Variants in TRMT44 observed in about 807,000 individuals in gnomAD.
TRMT44 encodes probable tRNA (uracil-O(2)-)-methyltransferase.
A neutral mutation model predicts 77.3 loss-of-function variants in TRMT44; 78 were observed. The ratio of observed to expected loss-of-function variants is 1.01; its 90% CI spans 0.84 to 1.22. TRMT44 has a LOEUF of 1.22. Among genes scored for constraint, TRMT44 ranks in the 50% most tolerant of loss-of-function variants. The pLI is 0.00. For synonymous variants in TRMT44, 391 were observed against 383.3 expected, an observed-to-expected ratio of 1.02 and a Z score of -0.23; for missense variants, 1,090 against 964.4, an observed-to-expected ratio of 1.13 and a Z score of -1.73.
intron 10 of TRMT44, among the ~76,000 whole-genome samples, chr4:8,474,420 C>T (rs1373742973): frequency 2.6e-5 from 4 of 152,186 alleles, no homozygotes; most frequent in Non-Finnish European, 5.9e-5. Flanking sequence ...GAGAGGCAGC[C>T]GTGGGAGGGC....
At chr4:8,481,006 A>G (rs1361326126), downstream of TRMT44, among the ~76,000 whole-genome samples, 1 of 152,104 alleles carries the variant, frequency 6.6e-6, no homozygotes. Context: ...TTTCTTCCAG[A>G]CCCTCCCAAT....
At chr4:8,471,847 G>A (rs1727025650) in intron 10 of TRMT44, among the ~76,000 whole-genome samples, 1 of 152,192 alleles carries the variant, frequency 6.6e-6, no homozygotes, top group South Asian at 2.1e-4. Context: ...GGTGCAGTGA[G>A]GGAGGGGGGA....
downstream of TRMT44, among the ~76,000 whole-genome samples, chr4:8,497,763 A>G (rs1366665440): frequency 6.6e-6 from 1 of 152,202 alleles, no homozygotes; most frequent in Non-Finnish European, 1.5e-5. Context: ...TGTTCTCCAT[A>G]TCAGTCTCTT....
chr4:8,495,873 AC>A (rs1343060276), downstream of TRMT44, among the ~76,000 whole-genome samples: 6 of 152,120 alleles, frequency 3.9e-5, no homozygotes, highest in Non-Finnish European at 7.4e-5. Flanking sequence ...AAACAATCAG[AC>A]TGGTTGTGGG....
rs1163424388 is a variant in TRMT44 at position 8,451,698 on chromosome 4, C to G, written c.955-262C>G. On this transcript the variant is annotated intron_variant, in intron 3 of 10. Transcript: ENST00000389737. The surrounding 1 kb of genome is among the most constrained non-coding windows in gnomAD (Gnocchi z 4.1). ...TAGCTAAGTGTTTCCTCTGTGTCCA[C>G]TGCCTCAGCTAAATGCCTTAGGTAC... is the stretch of plus-strand genomic sequence containing the variant. Among the ~76,000 whole-genome samples the G allele has an allele frequency of 6.6e-6, 1 of 152,224 alleles. No homozygotes were observed. Among genetic ancestry groups the G allele is most frequent in the Non-Finnish European group, 1.5e-5 (1 of 68,048 alleles).
rs573416869 is a variant in TRMT44 at position 8,462,491 on chromosome 4, G to A, written c.1204-1494G>A. 5.9e-5 allele frequency among the ~76,000 whole-genome samples: 9 copies of A among 152,274 alleles called. 1 individual carries two copies. The South Asian group carries it at 1.5e-3, about 25-fold the overall frequency. ...GGAGGCCAAAGCAGGTAGATCACGAGGTCACGAGATCGAGACCAGCCTGAC... is the reference window on the plus strand; with the variant it reads ...GGAGGCCAAAGCAGGTAGATCACGAAGTCACGAGATCGAGACCAGCCTGAC... On this transcript the variant is annotated intron_variant, in intron 6 of 10. Transcript: ENST00000389737.
chr4:8,475,267 G>C (rs1579087760), intron 10 of TRMT44, among the ~76,000 whole-genome samples: 1 of 152,196 alleles, frequency 6.6e-6, no homozygotes, highest in Non-Finnish European at 1.5e-5. Context: ...CAGCACAGAT[G>C]TTTTCTCGTG....
chr4:8,504,509 C>G, the TRMT44 span, among the ~76,000 whole-genome samples: 12 of 152,092 alleles, frequency 7.9e-5, no homozygotes, highest in Admixed American at 7.2e-4. The surrounding 1 kb of genome is among the most constrained non-coding windows in gnomAD (Gnocchi z 5.3). Flanking sequence ...CCAGCGTGTA[C>G]GGAGCTCCTG....
rs1350770807 is a variant in TRMT44 at position 8,451,310 on chromosome 4, T to C, written c.955-650T>C. ...GCTTTTGAAATTGTTTCTAGTGGGATGGTTCATCTGTATTGTCTAAGGCGC... is the reference window on the plus strand; with the variant it reads ...GCTTTTGAAATTGTTTCTAGTGGGACGGTTCATCTGTATTGTCTAAGGCGC... On this transcript the variant is annotated intron_variant, in intron 3 of 10. Transcript: ENST00000389737. The surrounding 1 kb of genome is among the most constrained non-coding windows in gnomAD (Gnocchi z 4.1). 6.6e-6 allele frequency among the ~76,000 whole-genome samples: 1 copy of C among 152,202 alleles called. No individual in the cohort carries two copies. The highest frequency in any genetic ancestry group is 1.9e-4 in the East Asian group (1 of 5,204).
chr4:8,504,726 C>T, the TRMT44 span, among the ~76,000 whole-genome samples: 488 of 152,254 alleles, frequency 3.2e-3, 4 homozygotes, highest in Middle Eastern at 0.041. The surrounding 1 kb of genome is among the most constrained non-coding windows in gnomAD (Gnocchi z 5.3). Flanking sequence ...TGCTCCAAAC[C>T]CTTGCTCTTG....
At chr4:8,450,792 G>GTT (rs59875098) in intron 3 of TRMT44, among the ~76,000 whole-genome samples, 3,167 of 96,484 alleles carry the variant, frequency 0.033, 151 homozygotes, top group East Asian at 0.036. Flanking sequence ...TCATTTCCAT[G>GTT]TTTTTTTTTT....
downstream of TRMT44, chr4:8,476,911 CTT>C (rs1313876888): frequency 1.3e-5 from 2 of 152,154 alleles, no homozygotes; most frequent in Non-Finnish European, 2.9e-5. Flanking sequence ...GCCTGGCCAA[CTT>C]TTAAAATTTT....
chr4:8,465,865 C>A (rs1726510706), intron 8 of TRMT44, among the ~76,000 whole-genome samples: 1 of 152,210 alleles, frequency 6.6e-6, no homozygotes, highest in Non-Finnish European at 1.5e-5. Flanking sequence ...TCAGTGTGGC[C>A]TGTGGCTGAC....
At chr4:8,501,105 AGGT>A in the TRMT44 span, among the ~76,000 whole-genome samples, 2 of 152,222 alleles carry the variant, frequency 1.3e-5, no homozygotes, top group Non-Finnish European at 2.9e-5. This position sits in a 1 kb window ranked among gnomAD's most constrained non-coding sequence, Gnocchi z 4.4. Context: ...GCTGTGGGGC[AGGT>A]GGTCGTGCCA....
At chr4:8,480,489 G>C (rs1243713740), downstream of TRMT44, among the ~76,000 whole-genome samples, 1 of 152,214 alleles carries the variant, frequency 6.6e-6, no homozygotes, top group East Asian at 1.9e-4. Context: ...GCCTGAGGCT[G>C]CTTCCCTTTT....
chr4:8,460,332 CTT>C (rs2109133951), intron 6 of TRMT44, among the ~76,000 whole-genome samples: 1 of 152,206 alleles, frequency 6.6e-6, no homozygotes, highest in South Asian at 2.1e-4. Flanking sequence ...AAAATGTTGA[CTT>C]TTCATCATGG....
rs975687502 is a variant in TRMT44 at position 8,452,911 on chromosome 4, G to A, written c.1053G>A (p.Arg351=). ...LILWEEERAE[R]RLTARQSFVD... Reference sequence around the variant, plus strand: ...TATGGGAAGAAGAAAGGGCTGAGAGGAGACTAACTGCCAGGCAGTCCTTTG... The same window carrying A: ...TATGGGAAGAAGAAAGGGCTGAGAGAAGACTAACTGCCAGGCAGTCCTTTG... Residue 351 remains arginine, a synonymous_variant, in exon 5 of 11, where the codon AGG becomes AGA. Transcript: ENST00000389737. The surrounding 1 kb of genome is among the most constrained non-coding windows in gnomAD (Gnocchi z 5.7). The A allele has an allele frequency of 2.0e-6, 3 of 1,533,144 alleles. No homozygotes were observed. The highest frequency in any genetic ancestry group is 2.7e-5 in the African/African-American group (2 of 72,774). The allele number at this position is 1,533,144 out of a possible 1,614,324, so 95.0% of individuals were successfully genotyped here. A position where few individuals can be genotyped will look rare whatever the true frequency, so the allele number is the denominator to read the frequency against.
chr4:8,465,365 G>T lies in TRMT44; in HGVS notation c.1311-13G>T. On this transcript the variant is annotated splice_polypyrimidine_tract_variant and intron_variant, in intron 7 of 10. Transcript: ENST00000389737. The stretch of plus-strand genomic sequence containing the variant: ...AGGATGCTTGACCCTGTGGTTGTTG[G>T]TTCTTTTTGAAGGTCTTCCTACAAT... 2.5e-6 allele frequency: 4 copies of T among 1,601,456 alleles called. No individual in the cohort carries two copies. The highest frequency in any genetic ancestry group is 1.7e-6 in the Non-Finnish European group (2 of 1,173,896).
the TRMT44 span, among the ~76,000 whole-genome samples, chr4:8,499,368 C>G: frequency 6.6e-6 from 1 of 152,162 alleles, no homozygotes; most frequent in Admixed American, 6.5e-5. Context: ...GCTGCCAAAC[C>G]GCAGCCTGCC....
Sources: gnomAD v4.1 joint callset for allele counts (sites outside exome capture counted in the v4.1 genomes callset) on GRCh38, gnomAD v4.1.1 for gene constraint, Gnocchi (gnomAD v3.1) non-coding constraint, MANE v1.5 for transcripts, NCBI Gene and HGNC (gene_info 2026-07-23, HGNC 2026-07-21) for gene names.